The following NAV1 variants were observed in gnomAD, a reference collection of about 807,000 sequenced individuals.
NAV1 encodes pore membrane and/or filament interacting like protein 3.
Under a neutral mutation model 175.2 loss-of-function variants are expected in NAV1, and 18 were observed. The observed-to-expected ratio is 0.10, with a 90% CI of 0.07 to 0.15. The LOEUF (loss-of-function observed/expected upper bound fraction) is 0.15. Ranked by LOEUF, NAV1 falls within the 10% of genes least tolerant of loss-of-function variation. NAV1 has a pLI of 1.00. For synonymous variants in NAV1, 897 were observed against 978.7 expected (o/e 0.92, Z 1.56); for missense variants, 1,731 against 2,436.6 (o/e 0.71, Z 6.10).
At position 201,594,490 on chromosome 1, in the gene NAV1, C is replaced by T. The variant is rs141089201; in HGVS notation, c.-33+5841C>T. Among the ~76,000 whole-genome samples the T allele has an allele frequency of 3.0e-4, 45 of 152,244 alleles. No individual in the cohort carries two copies. In the East Asian group the frequency reaches 7.6e-3, roughly 26 times the overall value. On this transcript the variant is annotated intron_variant, in intron 2 of 33. Coordinates refer to the NAV1 transcript ENST00000685211. Reference sequence around the variant, plus strand: ...TCTGTGGACTTTGAGTAGCCAGAGGCGAAGCCGGGTTAGTCTTTGGTGGCA... The same window carrying T: ...TCTGTGGACTTTGAGTAGCCAGAGGTGAAGCCGGGTTAGTCTTTGGTGGCA...
intron 2 of NAV1, among the ~76,000 whole-genome samples, chr1:201,616,176 A>T (rs1667997452): frequency 6.6e-6 from 1 of 152,200 alleles, no homozygotes; most frequent in Non-Finnish European, 1.5e-5. Flanking sequence ...GAGAACTCAG[A>T]GGTTCCGCAA....
At chr1:201,635,875 GA>G (rs1301098399) in intron 2 of NAV1, among the ~76,000 whole-genome samples, 1 of 152,216 alleles carries the variant, frequency 6.6e-6, no homozygotes, top group African/African-American at 2.4e-5. Context: ...AAAGGACACT[GA>G]AGGAGAGGTG....
intron 3 of NAV1, among the ~76,000 whole-genome samples, chr1:201,759,426 A>G (rs1219888095): frequency 6.6e-6 from 1 of 152,204 alleles, no homozygotes; most frequent in Non-Finnish European, 1.5e-5. Flanking sequence ...CAGCATATCT[A>G]ATGTCGAAAA....
chr1:201,785,299 TATC>T lies in NAV1; in HGVS notation c.2805-10_2805-8del. The T allele has an allele frequency of 2.6e-6, 4 of 1,534,008 alleles. No homozygotes were observed. Among genetic ancestry groups the T allele is most frequent in the Admixed American group, 3.9e-5 (2 of 51,878 alleles). ...CTCTCTCTCTTTTTTTTTTTTTTTT[TATC>T]TCCACAGTAATCAGCGGGATCGGAA... On this transcript the variant is annotated splice_polypyrimidine_tract_variant and splice_region_variant and intron_variant, in intron 7 of 29. Coordinates refer to ENST00000367296, the Ensembl canonical transcript of NAV1.
At chr1:201,563,003 G>A (rs1217159611) in intron 1 of NAV1, among the ~76,000 whole-genome samples, 4 of 152,232 alleles carry the variant, frequency 2.6e-5, no homozygotes, top group African/African-American at 9.6e-5. Flanking sequence ...AACACGCATA[G>A]TAAATAGTTT....
intron 2 of NAV1, among the ~76,000 whole-genome samples, chr1:201,609,448 T>C (rs1196541101): frequency 6.6e-6 from 1 of 152,160 alleles, no homozygotes; most frequent in Non-Finnish European, 1.5e-5. Context: ...ATCCCCACGA[T>C]CTCTCCTGTC....
chr1:201,551,844 CCT>C (rs1276412151), intron 1 of NAV1, among the ~76,000 whole-genome samples: 2 of 152,346 alleles, frequency 1.3e-5, no homozygotes, highest in East Asian at 3.9e-4. Flanking sequence ...CATTAAAACT[CCT>C]CTGCTTTTTA....
intron 7 of NAV1, among the ~76,000 whole-genome samples, chr1:201,785,025 G>C (rs112410075): frequency 0.017 from 2,603 of 152,038 alleles, 41 homozygotes; most frequent in African/African-American, 0.044. Context: ...GCCTTGGCCT[G>C]CCAAAGTGCT....
chr1:201,594,332 C>T (rs1667292042), intron 2 of NAV1, among the ~76,000 whole-genome samples: 1 of 152,040 alleles, frequency 6.6e-6, no homozygotes, highest in South Asian at 2.1e-4. Context: ...TCAGCATGAC[C>T]CAGGAGAAAG....
At chr1:201,665,791 T>C (rs961657054) in intron 1 of NAV1, among the ~76,000 whole-genome samples, 10 of 151,964 alleles carry the variant, frequency 6.6e-5, no homozygotes, top group African/African-American at 1.9e-4. Flanking sequence ...ACAGTAAACC[T>C]GCTGCTGCTT....
intron 3 of NAV1, among the ~76,000 whole-genome samples, chr1:201,737,139 G>C (rs934231503): frequency 2.6e-5 from 4 of 152,146 alleles, no homozygotes; most frequent in African/African-American, 9.7e-5. Flanking sequence ...AAAACTCCCA[G>C]ACAACATTTC....
chr1:201,812,336 A>G lies in NAV1; in HGVS notation c.5025-129A>G, dbSNP rs1678744094. ...TGCTCTGAGTTCCGATGTCCCCACTATTACTTGAAAAGAAACCAAGTAGGC... is the reference window on the plus strand; with the variant it reads ...TGCTCTGAGTTCCGATGTCCCCACTGTTACTTGAAAAGAAACCAAGTAGGC... On this transcript the variant is annotated intron_variant, in intron 26 of 29. Transcript: ENST00000367296. The surrounding 1 kb of genome is among the most constrained non-coding windows in gnomAD (Gnocchi z 4.6). The G allele has an allele frequency of 2.2e-5, 20 of 900,436 alleles. 1 individual carries two copies. The highest frequency in any genetic ancestry group is 6.9e-4 in the Middle Eastern group (2 of 2,902). 55.8% of individuals were successfully genotyped at this position (900,436 alleles called of 1,614,324 possible). A position where few individuals can be genotyped will look rare whatever the true frequency, so the allele number is the denominator to read the frequency against.
At chr1:201,712,723 T>C in intron 1 of NAV1, 94 bp from the exon 6 acceptor site, 1 of 855,618 alleles carries the variant, frequency 1.2e-6, no homozygotes, top group Non-Finnish European at 2.0e-6. Context: ...GGGACTAGCC[T>C]CCTGGGGACA....
intron 2 of NAV1, among the ~76,000 whole-genome samples, chr1:201,602,944 G>T (rs556789307): frequency 6.6e-6 from 1 of 152,290 alleles, no homozygotes; most frequent in South Asian, 2.1e-4. Flanking sequence ...GGAAAAGTCA[G>T]CTTCAAAACC....
At chr1:201,629,602 C>A in intron 2 of NAV1, 95 bp downstream of exon 4, 1 of 739,642 alleles carries the variant, frequency 1.4e-6, no homozygotes, top group Non-Finnish European at 1.9e-6. Flanking sequence ...CTGGATGGGT[C>A]CATCTCTTGA....
intron 1 of NAV1, among the ~76,000 whole-genome samples, chr1:201,657,139 C>T (rs1475184247): frequency 6.6e-6 from 1 of 152,198 alleles, no homozygotes; most frequent in East Asian, 1.9e-4. Context: ...AATCAGTAAT[C>T]TAATGGTTAT....
At chr1:201,776,727 C>G (rs1675973923) in intron 3 of NAV1, among the ~76,000 whole-genome samples, 1 of 149,468 alleles carries the variant, frequency 6.7e-6, no homozygotes. Flanking sequence ...AATCTGTTAA[C>G]TGAATTACAA....
intron 1 of NAV1, among the ~76,000 whole-genome samples, chr1:201,551,445 T>C (rs562573208): frequency 1.3e-5 from 2 of 152,118 alleles, no homozygotes; most frequent in Non-Finnish European, 2.9e-5. Context: ...CCCAGGCTGG[T>C]CTGGAACTCC....
intron 3 of NAV1, among the ~76,000 whole-genome samples, chr1:201,779,233 A>G (rs1571484099): frequency 6.6e-6 from 1 of 152,186 alleles, no homozygotes; most frequent in Non-Finnish European, 1.5e-5. Context: ...ATTAATATAA[A>G]TGGTAGAGGA....
Sources: allele counts gnomAD v4.1 joint callset (sites outside exome capture counted in the v4.1 genomes callset), GRCh38; gene constraint gnomAD v4.1.1; non-coding constraint Gnocchi (gnomAD v3.1); transcripts MANE v1.5; gene names NCBI Gene and HGNC (gene_info 2026-07-23, HGNC 2026-07-21).